CLCN7: variants seen among roughly 807,000 people sequenced by gnomAD.
The protein encoded by CLCN7 is H(+)/Cl(-) exchange transporter 7.
A neutral mutation model predicts 102.1 loss-of-function variants in CLCN7; 60 were observed. The observed-to-expected ratio is 0.59, with a 90% confidence interval of 0.48 to 0.73. The LOEUF (loss-of-function observed/expected upper bound fraction) is 0.73. Ranked by LOEUF, CLCN7 falls within the 30% of genes least tolerant of loss-of-function variation. CLCN7 has a pLI of 0.00. For missense variants in CLCN7, 962 were observed against 1,125.7 expected (o/e 0.85, Z 2.08); for synonymous variants, 560 against 490.5 (o/e 1.14, Z -1.87).
intron 5 of CLCN7, 122 bp downstream of exon 5, chr16:1,460,694 A>C: frequency 6.8e-7 from 1 of 1,477,538 alleles, no homozygotes; most frequent in Non-Finnish European, 9.3e-7. Context: ...ACAGGGACAC[A>C]GCCAGCCTGG....
At position 1,455,808 on chromosome 16, in the gene CLCN7, C is replaced by T. The variant is rs779773401; in HGVS notation, c.917-13G>A. The T allele has an allele frequency of 4.1e-5, 66 of 1,612,576 alleles. 2 individuals are homozygous for T. Among genetic ancestry groups the T allele is most frequent in the South Asian group, 4.0e-4 (36 of 91,088 alleles). On this transcript the variant is annotated splice_polypyrimidine_tract_variant and intron_variant, in intron 10 of 24. Coordinates refer to ENST00000382745, the MANE Select transcript of CLCN7 (RefSeq NM_001287.6). ...AACAGGACCCCACCTGGAAGGCAGG[C>T]GGCCGGCTCGGGTGCCAGCTGGACA...
chr16:1,448,169 C>T (rs567813309), intron 21 of CLCN7, 186 bp downstream of exon 21: 52 of 823,680 alleles, frequency 6.3e-5, no homozygotes, highest in African/African-American at 3.5e-4. Context: ...AGGCCGCAGC[C>T]CCCCCCACCA....
intron 1 of CLCN7, chr16:1,472,772 C>T (rs554853397): frequency 4.1e-4 from 61 of 149,478 alleles, no homozygotes; most frequent in African/African-American, 1.4e-3. Context: ...GAGATAGGTT[C>T]TCAAACTCCA....
intron 1 of CLCN7, among the ~76,000 whole-genome samples, chr16:1,470,980 AAGG>A (rs2039070021): frequency 6.6e-6 from 1 of 152,130 alleles, no homozygotes; most frequent in Non-Finnish European, 1.5e-5. Context: ...CTCAGTTCTC[AAGG>A]AGTTCTGCTT....
chr16:1,458,840 C>T (rs1415749524), intron 7 of CLCN7, among the ~76,000 whole-genome samples: 1 of 152,358 alleles, frequency 6.6e-6, no homozygotes, highest in South Asian at 2.1e-4. Context: ...ACAGACGCGT[C>T]GCACAGCTGT....
chr16:1,447,592 C>T, intron 22 of CLCN7, 24 bp from the exon 23 acceptor site: 1 of 1,552,340 alleles, frequency 6.4e-7, no homozygotes, highest in Non-Finnish European at 8.7e-7. Context: ...AGCCCTGTGT[C>T]AGGCACCCAG....
Position 1,446,521 on chromosome 16 carries a change from A to C in CLCN7, c.*110T>G. ...CCCGCCCAGCTGCAGGGTGCTCGCC[A>C]TTGCCACTGCTGGGGAGCATGGTTT... On this transcript the variant is annotated 3_prime_UTR_variant, in exon 25 of 25. Coordinates refer to ENST00000382745, the MANE Select transcript of CLCN7 (RefSeq NM_001287.6). The C allele has an allele frequency of 9.8e-7, 1 of 1,020,940 alleles. No homozygotes were observed. 63.2% of individuals were successfully genotyped at this position (1,020,940 alleles called of 1,614,324 possible).
At chr16:1,451,172 C>T (rs534376136) in intron 16 of CLCN7, among the ~76,000 whole-genome samples, 19 of 152,334 alleles carry the variant, frequency 1.2e-4, no homozygotes, top group African/African-American at 4.6e-4. Context: ...TCGAGCGAGG[C>T]CAGGCCGTGG....
In CLCN7 at chr16:1,457,277, T is replaced by A. The variant is rs755655596; in HGVS notation, c.799A>T (p.Thr267Ser). ...ACCTTGAAATCTCGTTTCAGTGACGTTGACCTTCCCTGAGAGATCCCGGCG... is the reference window on the plus strand; with the variant it reads ...ACCTTGAAATCTCGTTTCAGTGACGATGACCTTCCCTGAGAGATCCCGGCG... ...IAAGISQGRS[T>S]SLKRDFKIFE... The change falls in exon 9 of 25, where the codon ACG becomes TCG. Residue 267 changes from threonine to serine, a missense_variant. This residue lies in a region of CLCN7 where 799 missense variants were observed against 988.0 expected (regional missense o/e 0.81). Coordinates refer to ENST00000382745, the MANE Select transcript of CLCN7 (RefSeq NM_001287.6). The surrounding 1 kb of genome is among the most constrained non-coding windows in gnomAD (Gnocchi z 5.4). 1 of 1,614,070 alleles carries A rather than the reference T, an allele frequency of 6.2e-7. No homozygotes were observed. Among genetic ancestry groups the A allele is most frequent in the Non-Finnish European group, 8.5e-7 (1 of 1,180,020 alleles).
intron 1 of CLCN7, among the ~76,000 whole-genome samples, chr16:1,470,066 G>A (rs1037144752): frequency 6.6e-6 from 1 of 152,268 alleles, no homozygotes; most frequent in Non-Finnish European, 1.5e-5. Flanking sequence ...GGAGAGCGTT[G>A]AATGGGTGCA....
intron 1 of CLCN7, among the ~76,000 whole-genome samples, chr16:1,467,345 T>C (rs542700982): frequency 1.3e-5 from 2 of 152,332 alleles, no homozygotes; most frequent in South Asian, 2.1e-4. Flanking sequence ...CCTTGCCACA[T>C]GCCAGTGGCT....
intron 7 of CLCN7, among the ~76,000 whole-genome samples, chr16:1,458,109 G>A (rs1216432784): frequency 6.6e-6 from 1 of 152,214 alleles, no homozygotes; most frequent in African/African-American, 2.4e-5. Flanking sequence ...GTTCCCGCTA[G>A]CCCCGCCTAG....
chr16:1,464,262 G>A (rs939533394), intron 2 of CLCN7, among the ~76,000 whole-genome samples: 2 of 152,292 alleles, frequency 1.3e-5, no homozygotes, highest in East Asian at 1.9e-4. Flanking sequence ...ACCAACACGC[G>A]TGTGGCCGGC....
rs540469959 is a variant in CLCN7 at position 1,448,568 on chromosome 16, C to T, written c.1884-84G>A. ...TCTGCGGGCTGGTGAGGTGTGAAGC[C>T]GCTGGACAGGAAACGCGGGGCTGCC... On this transcript the variant is annotated intron_variant, in intron 20 of 24. Coordinates refer to ENST00000382745, the MANE Select transcript of CLCN7 (RefSeq NM_001287.6). 45 of 1,601,930 alleles carry T rather than the reference C, an allele frequency of 2.8e-5. No homozygotes were observed. The African/African-American group carries it at 4.1e-4, about 15-fold the overall frequency.
At chr16:1,469,097 T>G (rs577170526) in intron 1 of CLCN7, among the ~76,000 whole-genome samples, 27 of 149,176 alleles carry the variant, frequency 1.8e-4, no homozygotes, top group Non-Finnish European at 3.1e-4. Flanking sequence ...TCCCAGCTAC[T>G]CGGGAGGCTA....
intron 1 of CLCN7, chr16:1,466,497 G>C (rs1475250230): frequency 6.6e-6 from 1 of 152,418 alleles, no homozygotes; most frequent in East Asian, 1.9e-4. Flanking sequence ...TATCCACGGG[G>C]ATCACGATTA....
intron 4 of CLCN7, 39 bp downstream of exon 4, chr16:1,461,366 C>T (rs777187187): frequency 2.3e-5 from 35 of 1,535,086 alleles, no homozygotes; most frequent in South Asian, 1.3e-4. Context: ...CACCAGGCCC[C>T]GCACCGTGGG....
rs114932072 is a variant in CLCN7 at position 1,452,672 on chromosome 16, C to T, written c.1353+83G>A. On this transcript the variant is annotated intron_variant, in intron 15 of 24. Transcript: ENST00000382745. Reference sequence around the variant, plus strand: ...GGAACTCGGCGGGGTGGGCAGCCCTCCTCCCGTAGCCTAAGCGAGCCTCCT... The same window carrying T: ...GGAACTCGGCGGGGTGGGCAGCCCTTCTCCCGTAGCCTAAGCGAGCCTCCT... The T allele has an allele frequency of 9.8e-3, 14,206 of 1,451,628 alleles. 82 individuals are homozygous for T. The highest frequency in any genetic ancestry group is 0.012 in the Non-Finnish European group (12,369 of 1,072,746). The allele number at this position is 1,451,628 out of a possible 1,614,324, so 89.9% of individuals were successfully genotyped here. A position where few individuals can be genotyped will look rare whatever the true frequency, so the allele number is the denominator to read the frequency against.
At position 1,459,464 on chromosome 16, in the gene CLCN7, G is replaced by A. The variant is rs12924016; in HGVS notation, c.595-277C>T. On this transcript the variant is annotated intron_variant, in intron 6 of 24. Transcript: ENST00000382745. ...ATCAGGGAAGGGGAGAGCAGCACAC[G>A]CGTCGGGGCCTCAGGGAAGGGGAGA... The A allele has an allele frequency of 0.3, 28,758 of 94,364 alleles. 6,335 individuals are homozygous for A. The highest frequency in any genetic ancestry group is 0.59 in the African/African-American group (7,294 of 12,346). The allele number at this position is 94,364 out of a possible 1,614,324, so 5.8% of individuals were successfully genotyped here.
Sources: gnomAD v4.1 joint callset for allele counts (sites outside exome capture counted in the v4.1 genomes callset) on GRCh38, gnomAD v4.1.1 for gene constraint, gnomAD v4.1.1 regional missense constraint, Gnocchi (gnomAD v3.1) non-coding constraint, MANE v1.5 for transcripts, NCBI Gene and HGNC (gene_info 2026-07-23, HGNC 2026-07-21) for gene names.